The following OPRM1 variants were observed in gnomAD, a reference collection of about 807,000 sequenced individuals.
OPRM1 encodes the protein opioid receptor mu 1, also known as mu-type opioid receptor.
OPRM1 carries 27 observed loss-of-function variants against 31.8 expected under a neutral mutation model. That is an observed-to-expected ratio of 0.85 (90% CI 0.63 to 1.17). OPRM1 has a LOEUF of 1.17. Among genes scored for constraint, OPRM1 ranks in the 50% most tolerant of loss-of-function variants. The pLI, the probability that OPRM1 is intolerant of heterozygous loss-of-function variation, is 0.00. For missense variants in OPRM1, 536 were observed against 511.1 expected (o/e 1.05, Z -0.47); for synonymous variants, 196 against 189.9 (o/e 1.03, Z -0.26).
In OPRM1 at chr6:154,243,904, G is replaced by A. The variant is rs1780804649; in HGVS notation, c.1165-2789G>A. Among the ~76,000 whole-genome samples, 2 of 152,154 alleles carry A rather than the reference G, an allele frequency of 1.3e-5. 1 individual carries two copies. Among genetic ancestry groups the A allele is most frequent in the South Asian group, 4.1e-4 (2 of 4,820 alleles). On this transcript the variant is annotated intron_variant, in intron 3 of 3. Transcript: ENST00000337049. ...GGGTGATTTTGAGGAGTAAATGAGAGCATATATGCAAGGTACCTTGAATCA... is the reference window on the plus strand; with the variant it reads ...GGGTGATTTTGAGGAGTAAATGAGAACATATATGCAAGGTACCTTGAATCA...
intron 1 of OPRM1, among the ~76,000 whole-genome samples, chr6:154,023,709 C>G (rs1358324724): frequency 6.6e-6 from 1 of 152,002 alleles, no homozygotes; most frequent in Admixed American, 6.5e-5. Context: ...TTTATTATGT[C>G]GAGGTATGTT....
intron 1 of OPRM1, among the ~76,000 whole-genome samples, chr6:154,029,115 T>G (rs529224466): frequency 3.9e-5 from 6 of 152,330 alleles, no homozygotes; most frequent in Admixed American, 3.9e-4. Flanking sequence ...GGGGTCTCTA[T>G]GTCTCTTCCA....
intron 3 of OPRM1, chr6:154,094,292 TG>T (rs1439335425): frequency 1.8e-6 from 2 of 1,127,504 alleles, no homozygotes; most frequent in Non-Finnish European, 2.4e-6. Context: ...CAGCGCAAAG[TG>T]GAGTGGCGAT....
At chr6:154,215,689 A>C (rs1169035632) in intron 3 of OPRM1, among the ~76,000 whole-genome samples, 1 of 152,182 alleles carries the variant, frequency 6.6e-6, no homozygotes, top group African/African-American at 2.4e-5. Flanking sequence ...AGCCTTTGTT[A>C]AGAAATCACC....
intron 3 of OPRM1, among the ~76,000 whole-genome samples, chr6:154,231,792 A>T (rs1391711428): frequency 6.6e-6 from 1 of 152,258 alleles, no homozygotes; most frequent in Admixed American, 6.5e-5. Flanking sequence ...GTAACTTGTT[A>T]CAGGTTTGAC....
chr6:154,152,374 A>AAGAAAGAAAGAAAGAAAGAAAG (rs1798556147), intron 3 of OPRM1, among the ~76,000 whole-genome samples: 1 of 149,816 alleles, frequency 6.7e-6, no homozygotes, highest in African/African-American at 2.5e-5. Context: ...GAAAGAAAGA[A>AAGAAAGAAAGAAAGAAAGAAAG]AGAAAGAAAG....
chr6:154,015,741 T>C (rs909602677), intron 1 of OPRM1, among the ~76,000 whole-genome samples: 127 of 151,538 alleles, frequency 8.4e-4, no homozygotes, highest in African/African-American at 2.9e-3. Context: ...AATAGCTAAG[T>C]GCTATATCTC....
chr6:154,160,734 A>G (rs965600645), intron 3 of OPRM1, among the ~76,000 whole-genome samples: 1 of 152,194 alleles, frequency 6.6e-6, no homozygotes, highest in Non-Finnish European at 1.5e-5. Flanking sequence ...TAAGATGTTC[A>G]TCCTCCATAT....
intron 1 of OPRM1, among the ~76,000 whole-genome samples, chr6:154,015,266 A>G (rs776611835): frequency 1.4e-4 from 22 of 152,228 alleles, no homozygotes; most frequent in Non-Finnish European, 2.6e-4. Flanking sequence ...AAAGTCTCAT[A>G]ACGGTGTAGA....
At chr6:154,044,609 T>C (rs1336739040) in intron 1 of OPRM1, among the ~76,000 whole-genome samples, 1 of 152,034 alleles carries the variant, frequency 6.6e-6, no homozygotes, top group Non-Finnish European at 1.5e-5. Context: ...TATTTAGGTA[T>C]AATACTCAGA....
intron 3 of OPRM1, among the ~76,000 whole-genome samples, chr6:154,097,831 T>C (rs901409945): frequency 2.0e-5 from 3 of 152,178 alleles, no homozygotes; most frequent in Non-Finnish European, 4.4e-5. Context: ...GTGTCTGGGA[T>C]GGGATATCTT....
chr6:154,055,114 G>A (rs189700243), intron 1 of OPRM1, among the ~76,000 whole-genome samples: 120 of 152,334 alleles, frequency 7.9e-4, no homozygotes, highest in African/African-American at 2.4e-3. Flanking sequence ...TTGGCTGGGC[G>A]CATTGGCTCA....
At chr6:154,218,207 A>G (rs988148991) in intron 3 of OPRM1, among the ~76,000 whole-genome samples, 3 of 152,232 alleles carry the variant, frequency 2.0e-5, no homozygotes, top group Non-Finnish European at 2.9e-5. Context: ...TTTGTTGTAT[A>G]TTAACTTGAC....
chr6:154,123,443 T>G lies in OPRM1; in HGVS notation c.*4722T>G, dbSNP rs893260853. Among the ~76,000 whole-genome samples, 1 of 152,194 alleles carries G rather than the reference T, an allele frequency of 6.6e-6. No individual in the cohort carries two copies. The highest frequency in any genetic ancestry group is 1.5e-5 in the Non-Finnish European group (1 of 68,012). ...GCTCCATTTTTGCCTGTAGCTATGA[T>G]TTTTCAGGCAGCCTGCTTCTCCGAG... On this transcript the variant is annotated 3_prime_UTR_variant, in exon 4 of 4. Transcript: ENST00000330432.
intron 3 of OPRM1, among the ~76,000 whole-genome samples, chr6:154,138,385 T>C (rs1798112003): frequency 6.6e-6 from 1 of 152,162 alleles, no homozygotes; most frequent in African/African-American, 2.4e-5. Context: ...AATACCAATG[T>C]CTGGAACCTG....
chr6:154,093,431 A>C (rs1792765122), intron 3 of OPRM1: 1 of 1,613,876 alleles, frequency 6.2e-7, no homozygotes, highest in Non-Finnish European at 8.5e-7. Flanking sequence ...CTGGTGGAGC[A>C]TTTCTCCTGA....
intron 1 of OPRM1, among the ~76,000 whole-genome samples, chr6:154,043,071 CT>C (rs1428473444): frequency 2.6e-5 from 4 of 152,042 alleles, no homozygotes; most frequent in Non-Finnish European, 5.9e-5. Flanking sequence ...TTGGGAAATT[CT>C]TTTTCCAAGG....
intron 3 of OPRM1, among the ~76,000 whole-genome samples, chr6:154,102,593 T>C (rs1248013367): frequency 6.6e-5 from 10 of 152,130 alleles, no homozygotes; most frequent in Non-Finnish European, 1.2e-4. Context: ...GTGGGCACTG[T>C]AAGATGTTCA....
rs149857551 is a variant in OPRM1, at chr6:154,140,734, A to C, written c.1164+49262A>C. On this transcript the variant is annotated intron_variant, in intron 3 of 3. Coordinates refer to the OPRM1 transcript ENST00000337049. ...GAATCATAGATATACAGGTCAACCCACAGAGGGCACCCTGCCTACACTCCC... is the reference window on the plus strand; with the variant it reads ...GAATCATAGATATACAGGTCAACCCCCAGAGGGCACCCTGCCTACACTCCC... Among the ~76,000 whole-genome samples, 159 of 152,282 alleles carry C rather than the reference A, an allele frequency of 1.0e-3. 1 individual carries two copies. Among genetic ancestry groups the C allele is most frequent in the African/African-American group, 3.7e-3 (153 of 41,560 alleles).
Sources: gnomAD v4.1 joint callset for allele counts (sites outside exome capture counted in the v4.1 genomes callset) on GRCh38, gnomAD v4.1.1 for gene constraint, MANE v1.5 for transcripts, NCBI Gene and HGNC (gene_info 2026-07-23, HGNC 2026-07-21) for gene names.